Variants in CSMD2 observed in about 807,000 individuals in gnomAD.
The protein encoded by CSMD2 is CUB and sushi domain-containing protein 2.
A neutral mutation model predicts 398.5 loss-of-function variants in CSMD2; 130 were observed. That is an observed-to-expected ratio of 0.33 (90% CI 0.28 to 0.38). The LOEUF is 0.38. Among genes scored for constraint, CSMD2 ranks in the 10% least tolerant of loss-of-function variants. The probability of loss-of-function intolerance (pLI) is 1.00; values close to 1 mark genes in which losing one functional copy is unlikely to be tolerated. For synonymous variants in CSMD2, 1,828 were observed against 1,908.5 expected (o/e 0.96, Z 1.10); for missense variants, 3,829 against 4,764.9 (o/e 0.80, Z 5.78).
intron 1 of CSMD2, among the ~76,000 whole-genome samples, chr1:34,149,011 G>A (rs969420431): frequency 2.0e-5 from 3 of 152,114 alleles, no homozygotes; most frequent in Admixed American, 6.6e-5. Flanking sequence ...TGCCCTCCCC[G>A]AGCATTTATT....
rs1653946497 is a variant in CSMD2 at position 33,518,360 on chromosome 1, C to T, written c.*53+1105G>A. Among the ~76,000 whole-genome samples the T allele has an allele frequency of 6.6e-6, 1 of 151,326 alleles. No individual in the cohort carries two copies. The highest frequency in any genetic ancestry group is 6.6e-5 in the Admixed American group (1 of 15,178). On this transcript the variant is annotated intron_variant, in intron 70 of 70. Coordinates refer to ENST00000373381, the MANE Select transcript of CSMD2 (RefSeq NM_001281956.2). This position sits in a 1 kb window ranked among gnomAD's most constrained non-coding sequence, Gnocchi z 4.3. ...ATCAGTTCCTTCCCAGTGGGCCTGTCAGATGCATGCCTGTGTGCATGTATG... is the reference window on the plus strand; with the variant it reads ...ATCAGTTCCTTCCCAGTGGGCCTGTTAGATGCATGCCTGTGTGCATGTATG...
intron 3 of CSMD2, among the ~76,000 whole-genome samples, chr1:33,957,867 T>C (rs1039858938): frequency 2.0e-5 from 3 of 152,110 alleles, no homozygotes; most frequent in African/African-American, 7.2e-5. Flanking sequence ...AAGCAATTCA[T>C]TTATCAATAG....
intron 67 of CSMD2, among the ~76,000 whole-genome samples, chr1:33,521,971 C>T (rs756814091): frequency 1.3e-5 from 2 of 152,162 alleles, no homozygotes; most frequent in African/African-American, 2.4e-5. Flanking sequence ...CCTTTTGGAG[C>T]ATTATGGAAC....
intron 10 of CSMD2, among the ~76,000 whole-genome samples, chr1:33,797,309 T>C (rs1655070464): frequency 6.6e-6 from 1 of 152,254 alleles, no homozygotes; most frequent in African/African-American, 2.4e-5. Context: ...GGCCCAGCTG[T>C]AAAATTCCTC....
rs558879360 is a variant in CSMD2, at chr1:34,063,828, C to G, written c.404+25149G>C. On this transcript the variant is annotated intron_variant, in intron 2 of 70. Transcript: ENST00000373381. ...CTAGCAGAGGTTCTCCATGAGGGCCCCGCCCGTACAGCAAACTTTTGCCTG... is the reference window on the plus strand; with the variant it reads ...CTAGCAGAGGTTCTCCATGAGGGCCGCGCCCGTACAGCAAACTTTTGCCTG... 7.9e-5 allele frequency among the ~76,000 whole-genome samples: 12 copies of G among 152,320 alleles called. No homozygotes were observed. The East Asian group carries it at 1.4e-3, about 17-fold the overall frequency.
In CSMD2 at chr1:33,519,408, G is replaced by C; in HGVS notation, c.*53+57C>G. ...CTCCGTTGGGTGGAGCCCCTGGCAC[G>C]CATAGGTCCCTGTCTGTGCTTGTCA... On this transcript the variant is annotated intron_variant, in intron 70 of 70. Transcript: ENST00000373381. The surrounding 1 kb of genome is among the most constrained non-coding windows in gnomAD (Gnocchi z 5.6). 9.1e-7 allele frequency: 1 copy of C among 1,092,934 alleles called. No individual in the cohort carries two copies. 67.7% of individuals were successfully genotyped at this position (1,092,934 alleles called of 1,614,324 possible). A position where few individuals can be genotyped will look rare whatever the true frequency, so the allele number is the denominator to read the frequency against.
In CSMD2 at chr1:34,014,797, AC is replaced by A. The variant is rs1373212704; in HGVS notation, c.517+17796del. Among the ~76,000 whole-genome samples, 16 of 152,336 alleles carry A rather than the reference AC, an allele frequency of 1.1e-4. No homozygotes were observed. In the East Asian group the frequency reaches 3.1e-3, roughly 29 times the overall value. On this transcript the variant is annotated intron_variant, in intron 3 of 70. Coordinates refer to ENST00000373381, the MANE Select transcript of CSMD2 (RefSeq NM_001281956.2). ...AGATGAACAACAGCAACAACAAAAC[AC>A]CTAGGTTTGCATAACCTTTATAGTG...
At chr1:33,772,876 T>A in intron 12 of CSMD2, 125 bp from the exon 13 acceptor site, 1 of 754,734 alleles carries the variant, frequency 1.3e-6, no homozygotes, top group Non-Finnish European at 2.1e-6. Context: ...GTGACACAGG[T>A]AGGATTCAAC....
rs1655446542 is a variant in CSMD2 at position 33,533,425 on chromosome 1, G to A, written c.9992-196C>T. Among the ~76,000 whole-genome samples the A allele has an allele frequency of 1.3e-5, 2 of 152,300 alleles. No individual in the cohort carries two copies. The highest frequency in any genetic ancestry group is 2.1e-4 in the South Asian group (1 of 4,820). On this transcript the variant is annotated intron_variant, in intron 63 of 70. Transcript: ENST00000373381. This position sits in a 1 kb window ranked among gnomAD's most constrained non-coding sequence, Gnocchi z 4.2. The stretch of plus-strand genomic sequence containing the variant: ...GAGGAATGGCCAAGATGGAGATCAT[G>A]TGGATATCGGCTTGGTTGACTCTGA...
At chr1:33,794,042 A>T (rs182633982) in intron 10 of CSMD2, among the ~76,000 whole-genome samples, 3 of 152,326 alleles carry the variant, frequency 2.0e-5, no homozygotes, top group Admixed American at 2.0e-4. Flanking sequence ...TCTACAACTC[A>T]AGGAGTATAT....
intron 12 of CSMD2, among the ~76,000 whole-genome samples, chr1:33,779,304 T>C (rs1652399219): frequency 6.6e-6 from 1 of 152,098 alleles, no homozygotes; most frequent in Admixed American, 6.5e-5. Flanking sequence ...AGCTCTGGGA[T>C]CACAAAGTCC....
chr1:33,956,897 A>C (rs1645188383), intron 3 of CSMD2, among the ~76,000 whole-genome samples: 1 of 151,882 alleles, frequency 6.6e-6, no homozygotes. Flanking sequence ...TTTAAATAAG[A>C]ATCACCCTCC....
intron 1 of CSMD2, among the ~76,000 whole-genome samples, chr1:34,121,381 C>A (rs1662170391): frequency 6.6e-6 from 1 of 152,158 alleles, no homozygotes; most frequent in Admixed American, 6.5e-5. Context: ...TCTGCTTAAG[C>A]AAAAGATGGA....
At chr1:34,096,118 A>C (rs1659268739) in intron 1 of CSMD2, among the ~76,000 whole-genome samples, 1 of 152,046 alleles carries the variant, frequency 6.6e-6, no homozygotes, top group Non-Finnish European at 1.5e-5. Context: ...ACGCAAATCA[A>C]TAAATGTAAT....
chr1:33,858,601 CTGAT>C (rs1430835052), intron 5 of CSMD2, among the ~76,000 whole-genome samples: 7 of 152,328 alleles, frequency 4.6e-5, no homozygotes, highest in Non-Finnish European at 7.4e-5. Flanking sequence ...GTGCTCACAT[CTGAT>C]TGATTAACAG....
intron 7 of CSMD2, among the ~76,000 whole-genome samples, chr1:33,821,700 C>T (rs1000501134): frequency 9.9e-5 from 15 of 152,272 alleles, no homozygotes; most frequent in African/African-American, 2.6e-4. Flanking sequence ...CATGGAAATG[C>T]GAAAGGTAGT....
intron 3 of CSMD2, 126 bp downstream of exon 3, chr1:34,032,468 T>G (rs1650571200): frequency 1.7e-6 from 1 of 584,530 alleles, no homozygotes; most frequent in Middle Eastern, 4.5e-4. Flanking sequence ...TAACCAGCCT[T>G]GTCAGGACAG....
intron 13 of CSMD2, among the ~76,000 whole-genome samples, chr1:33,749,092 CTTTTT>C (rs72469561): frequency 8.0e-5 from 7 of 87,790 alleles, no homozygotes; most frequent in African/African-American, 2.4e-4. Flanking sequence ...ATACAGACTT[CTTTTT>C]TTTTTTTTTT....
chr1:33,929,814 C>T (rs1644254981), intron 4 of CSMD2, among the ~76,000 whole-genome samples: 1 of 152,066 alleles, frequency 6.6e-6, no homozygotes, highest in Non-Finnish European at 1.5e-5. Flanking sequence ...CACCTCAGGG[C>T]CTTTGCACTT....
Sources: allele counts gnomAD v4.1 joint callset (sites outside exome capture counted in the v4.1 genomes callset), GRCh38; gene constraint gnomAD v4.1.1; non-coding constraint Gnocchi (gnomAD v3.1); transcripts MANE v1.5; gene names NCBI Gene and HGNC (gene_info 2026-07-23, HGNC 2026-07-21).